Variants in PIK3CB observed in about 807,000 individuals in gnomAD.
The protein encoded by PIK3CB is phosphatidylinositol 4,5-bisphosphate 3-kinase catalytic subunit beta isoform.
PIK3CB carries 39 observed loss-of-function variants against 136.8 expected under a neutral mutation model. The ratio of observed to expected loss-of-function variants is 0.29; its 90% CI spans 0.22 to 0.37. The LOEUF (loss-of-function observed/expected upper bound fraction) is 0.37. Among genes scored for constraint, PIK3CB ranks in the 10% least tolerant of loss-of-function variants. The pLI, the probability that PIK3CB is intolerant of heterozygous loss-of-function variation, is 1.00. For synonymous variants in PIK3CB, 428 were observed against 436.6 expected (o/e 0.98, Z 0.25); for missense variants, 868 against 1,275.4 (o/e 0.68, Z 4.87).
At chr3:138,757,409 A>G (rs2045588744) in intron 3 of PIK3CB, among the ~76,000 whole-genome samples, 1 of 151,716 alleles carries the variant, frequency 6.6e-6, no homozygotes, top group South Asian at 2.1e-4. Flanking sequence ...TCTCAAAAAA[A>G]CAAAACAAAA....
Position 138,654,593 on chromosome 3 carries a change from T to C in PIK3CB, c.*796A>G, listed in dbSNP as rs2043161690. ...AAAACTGTATTAATATGTGCCTCAT[T>C]ATAGAAGCAGCTGGAAGAACTGGAT... On this transcript the variant is annotated 3_prime_UTR_variant, in exon 24 of 24. Coordinates refer to ENST00000674063, the MANE Select transcript of PIK3CB (RefSeq NM_006219.3). 8.8e-6 allele frequency: 2 copies of C among 227,206 alleles called. No individual in the cohort carries two copies. Among genetic ancestry groups the C allele is most frequent in the Admixed American group, 1.1e-4 (2 of 17,580 alleles). The allele number at this position is 227,206 out of a possible 1,614,324, so 14.1% of individuals were successfully genotyped here.
chr3:138,741,481 T>A (rs2045242795), intron 5 of PIK3CB, among the ~76,000 whole-genome samples: 1 of 152,182 alleles, frequency 6.6e-6, no homozygotes, highest in Non-Finnish European at 1.5e-5. Context: ...TTACCCTGCA[T>A]AATTGGTTGT....
intron 13 of PIK3CB, among the ~76,000 whole-genome samples, chr3:138,696,739 T>G (rs1307049307): frequency 1.3e-5 from 2 of 152,152 alleles, no homozygotes; most frequent in East Asian, 3.9e-4. Context: ...TCCCCAATTT[T>G]TCTCACTAAT....
intron 1 of PIK3CB, among the ~76,000 whole-genome samples, chr3:138,810,226 A>G (rs1375398225): frequency 6.6e-6 from 1 of 152,194 alleles, no homozygotes; most frequent in Non-Finnish European, 1.5e-5. Context: ...GGGCAGAATA[A>G]ATCTCCCACA....
At chr3:138,686,861 A>AT (rs2043904622) in intron 16 of PIK3CB, among the ~76,000 whole-genome samples, 1 of 152,330 alleles carries the variant, frequency 6.6e-6, no homozygotes, top group Admixed American at 6.5e-5. Context: ...TGATGATAAA[A>AT]TTGAGATGGC....
chr3:138,663,629 G>A lies in PIK3CB; in HGVS notation c.2796+277C>T, dbSNP rs536336400. 2.0e-4 allele frequency among the ~76,000 whole-genome samples: 30 copies of A among 152,206 alleles called. No individual in the cohort carries two copies. The South Asian group carries it at 3.9e-3, about 20-fold the overall frequency. ...ACTCCTGACCTCAGGTAATCCGGCC[G>A]GCTCGGGATCCCAAAGTGCTGGGAT... On this transcript the variant is annotated intron_variant, in intron 21 of 23. Coordinates refer to ENST00000674063, the MANE Select transcript of PIK3CB (RefSeq NM_006219.3).
chr3:138,752,752 T>C (rs993440366), intron 4 of PIK3CB, among the ~76,000 whole-genome samples: 11 of 151,804 alleles, frequency 7.2e-5, no homozygotes, highest in African/African-American at 2.4e-4. Context: ...TAGTCTAATA[T>C]AGATTATACC....
At chr3:138,677,383 A>G (rs553491678) in intron 19 of PIK3CB, among the ~76,000 whole-genome samples, 2 of 152,310 alleles carry the variant, frequency 1.3e-5, no homozygotes, top group South Asian at 4.1e-4. Flanking sequence ...GGTAATATAA[A>G]TTCATTTTCA....
intron 8 of PIK3CB, among the ~76,000 whole-genome samples, chr3:138,729,553 T>C (rs1355657725): frequency 6.6e-6 from 1 of 152,172 alleles, no homozygotes; most frequent in East Asian, 1.9e-4. Context: ...TAAGACAGAA[T>C]TCTTCCTGCT....
chr3:138,715,543 T>C (rs2044589431), intron 8 of PIK3CB, among the ~76,000 whole-genome samples: 1 of 152,234 alleles, frequency 6.6e-6, no homozygotes, highest in African/African-American at 2.4e-5. Context: ...TGGAATTGTT[T>C]AGGCTTATCT....
rs2043185282 is a variant in PIK3CB at position 138,655,993 on chromosome 3, T to A, written c.3075+149A>T. 2.2e-5 allele frequency: 17 copies of A among 761,046 alleles called. No individual in the cohort carries two copies. In the South Asian group the frequency reaches 3.2e-4, roughly 15 times the overall value. 47.1% of individuals were successfully genotyped at this position (761,046 alleles called of 1,614,324 possible). On this transcript the variant is annotated intron_variant, in intron 23 of 23. Coordinates refer to ENST00000674063, the MANE Select transcript of PIK3CB (RefSeq NM_006219.3). ...TACTCTACAAAATTCCTCCTTTATG[T>A]ACTTCCCAGATTCTTTCCCTCCTGG...
chr3:138,796,203 T>C (rs1257796359), intron 2 of PIK3CB, among the ~76,000 whole-genome samples: 1 of 151,902 alleles, frequency 6.6e-6, no homozygotes, highest in Non-Finnish European at 1.5e-5. Flanking sequence ...GCCAACATGG[T>C]GAAACCCCGT....
At chr3:138,702,329 C>G (rs112349150) in intron 12 of PIK3CB, among the ~76,000 whole-genome samples, 4 of 151,726 alleles carry the variant, frequency 2.6e-5, no homozygotes, top group African/African-American at 9.7e-5. Flanking sequence ...CCTACCTTGG[C>G]CTCTCAAAGT....
chr3:138,743,293 A>T (rs111787547), intron 4 of PIK3CB, among the ~76,000 whole-genome samples: 30 of 152,318 alleles, frequency 2.0e-4, no homozygotes, highest in African/African-American at 6.7e-4. Flanking sequence ...AAATCTCTGT[A>T]TCTTCCTCTC....
intron 2 of PIK3CB, among the ~76,000 whole-genome samples, chr3:138,779,651 C>A (rs902292181): frequency 4.6e-5 from 7 of 151,380 alleles, no homozygotes; most frequent in Non-Finnish European, 1.0e-4. Flanking sequence ...CCTTAGCCTC[C>A]CAAAGGGCTG....
At chr3:138,698,218 G>C (rs986547939) in intron 13 of PIK3CB, among the ~76,000 whole-genome samples, 2 of 152,134 alleles carry the variant, frequency 1.3e-5, no homozygotes, top group Admixed American at 6.5e-5. Flanking sequence ...TCATTGAACT[G>C]AAATAAGTAA....
At chr3:138,718,198 T>C (rs568519135) in intron 8 of PIK3CB, among the ~76,000 whole-genome samples, 3 of 152,204 alleles carry the variant, frequency 2.0e-5, no homozygotes, top group Non-Finnish European at 4.4e-5. Flanking sequence ...CTCTTATTTT[T>C]TGACTTTTTA....
At chr3:138,780,047 T>C (rs1313015064) in intron 2 of PIK3CB, among the ~76,000 whole-genome samples, 1 of 151,928 alleles carries the variant, frequency 6.6e-6, no homozygotes, top group Admixed American at 6.6e-5. Flanking sequence ...AACTTCTACC[T>C]CCCAGGTTCA....
chr3:138,669,364 T>G (rs2043482352), intron 19 of PIK3CB, among the ~76,000 whole-genome samples: 2 of 124,496 alleles, frequency 1.6e-5, no homozygotes, highest in South Asian at 5.4e-4. Flanking sequence ...ACCATGATTG[T>G]GCTACTGCAC....
Sources: allele counts gnomAD v4.1 joint callset (sites outside exome capture counted in the v4.1 genomes callset), GRCh38; gene constraint gnomAD v4.1.1; transcripts MANE v1.5; gene names NCBI Gene and HGNC (gene_info 2026-07-23, HGNC 2026-07-21).